The following ARSG variants were observed in gnomAD, a reference collection of about 807,000 sequenced individuals.
ARSG encodes ASG.
In ARSG, 37 loss-of-function variants were observed where a neutral mutation model predicts 50.5. The observed-to-expected ratio is 0.73, with a 90% CI of 0.56 to 0.96. The LOEUF (loss-of-function observed/expected upper bound fraction) is 0.96, where lower values mean the gene tolerates loss of function less well. ARSG is among the 50% of genes least tolerant of loss of function. The pLI is 0.00. For synonymous variants in ARSG, 225 were observed against 254.6 expected, an observed-to-expected ratio of 0.88 and a Z score of 1.11; for missense variants, 629 against 675.3, an observed-to-expected ratio of 0.93 and a Z score of 0.76.
At chr17:68,425,382 C>T (rs951739199), downstream of ARSG, among the ~76,000 whole-genome samples, 8 of 132,290 alleles carry the variant, frequency 6.0e-5, no homozygotes, top group Non-Finnish European at 9.6e-5. Flanking sequence ...TTTTTCTTTT[C>T]TTTTTTTTTT....
intron 1 of ARSG, chr17:68,278,232 G>GAA: frequency 6.2e-7 from 1 of 1,614,158 alleles, no homozygotes; most frequent in Non-Finnish European, 8.5e-7. Context: ...GAAGAAAAAT[G>GAA]AAACAGCTAC....
At chr17:68,376,862 C>CTT (rs10642908) in intron 8 of ARSG, among the ~76,000 whole-genome samples, 3,969 of 142,152 alleles carry the variant, frequency 0.028, 180 homozygotes, top group African/African-American at 0.092. Flanking sequence ...CCTCAGTCAT[C>CTT]TTTTTTTTTT....
intron 11 of ARSG, among the ~76,000 whole-genome samples, chr17:68,402,200 G>T (rs1044308124): frequency 6.6e-6 from 1 of 152,046 alleles, no homozygotes; most frequent in Non-Finnish European, 1.5e-5. Flanking sequence ...TTAGGTACAC[G>T]TCTTATTTCC....
chr17:68,419,017 CAAAAAAAAA>C (rs3072871), intron 11 of ARSG, among the ~76,000 whole-genome samples: 1 of 112,960 alleles, frequency 8.9e-6, no homozygotes, highest in South Asian at 2.8e-4. Flanking sequence ...ATAGCAAAGC[CAAAAAAAAA>C]AAAAAAAAGT....
the ARSG span, chr17:68,434,710 G>T: frequency 7.2e-7 from 1 of 1,392,946 alleles, no homozygotes; most frequent in East Asian, 2.4e-5. Flanking sequence ...TTGTTTTATT[G>T]GTTTTGAACA....
the ARSG span, chr17:68,444,521 G>T: frequency 6.2e-7 from 1 of 1,613,744 alleles, no homozygotes; most frequent in Non-Finnish European, 8.5e-7. Flanking sequence ...TATCCAGGAG[G>T]GTCTTCAACA....
chr17:68,325,987 G>A (rs1167978837), intron 2 of ARSG, among the ~76,000 whole-genome samples: 1 of 152,156 alleles, frequency 6.6e-6, no homozygotes, highest in African/African-American at 2.4e-5. Context: ...ACTATCATTA[G>A]GTCTCACCAG....
At chr17:68,337,050 G>A (rs1225280278) in intron 2 of ARSG, among the ~76,000 whole-genome samples, 1 of 152,064 alleles carries the variant, frequency 6.6e-6, no homozygotes, top group Non-Finnish European at 1.5e-5. Flanking sequence ...GATAGAACTT[G>A]GTGACCACCT....
intron 5 of ARSG, among the ~76,000 whole-genome samples, 153 bp from the exon 6 acceptor site, chr17:68,356,514 A>G (rs1224366128): frequency 6.6e-6 from 1 of 152,224 alleles, no homozygotes; most frequent in African/African-American, 2.4e-5. Context: ...TTATGCATAG[A>G]CTTTTACACT....
At chr17:68,440,783 A>C in the ARSG span, 3 of 152,198 alleles carry the variant, frequency 2.0e-5, no homozygotes, top group African/African-American at 7.2e-5. Flanking sequence ...ATTCTAAATG[A>C]TTCTCATCTT....
At chr17:68,398,155 G>A (rs2081326554) in intron 10 of ARSG, among the ~76,000 whole-genome samples, 1 of 152,118 alleles carries the variant, frequency 6.6e-6, no homozygotes, top group Non-Finnish European at 1.5e-5. Flanking sequence ...GTATGCATAT[G>A]CATGCTTATA....
chr17:68,408,199 G>T (rs1194831545), intron 11 of ARSG, among the ~76,000 whole-genome samples: 4 of 151,604 alleles, frequency 2.6e-5, no homozygotes, highest in Non-Finnish European at 4.4e-5. Context: ...ATGTATACAT[G>T]TGCCATGCTG....
At chr17:68,417,515 A>G (rs576235621) in intron 11 of ARSG, among the ~76,000 whole-genome samples, 32 of 151,944 alleles carry the variant, frequency 2.1e-4, no homozygotes, top group Admixed American at 1.8e-3. Flanking sequence ...GGAGTTTTTC[A>G]TCTCTCAGAC....
intron 10 of ARSG, among the ~76,000 whole-genome samples, chr17:68,400,759 G>C (rs2081436873): frequency 6.6e-6 from 1 of 152,316 alleles, no homozygotes; most frequent in Middle Eastern, 3.4e-3. Context: ...GCATTTTGTT[G>C]TGGACTTTGC....
intron 1 of ARSG, chr17:68,268,908 A>T: frequency 7.2e-7 from 1 of 1,380,596 alleles, no homozygotes; most frequent in Admixed American, 2.7e-5. Flanking sequence ...AAGCAAAAAA[A>T]AAAAGCTTAA....
chr17:68,265,753 GTTT>G (rs56355626), intron 1 of ARSG, among the ~76,000 whole-genome samples: 2 of 134,284 alleles, frequency 1.5e-5, no homozygotes, highest in Non-Finnish European at 1.6e-5. Flanking sequence ...AGTGTGTGTT[GTTT>G]TTTTTTTTTT....
the ARSG span, chr17:68,430,230 C>T: frequency 5.3e-6 from 8 of 1,500,242 alleles, no homozygotes; most frequent in Non-Finnish European, 7.2e-6. Flanking sequence ...AATCTCCACA[C>T]CCAAGCGTCA....
chr17:68,339,814 C>T (rs2078188410), intron 2 of ARSG, among the ~76,000 whole-genome samples: 2 of 152,132 alleles, frequency 1.3e-5, no homozygotes, highest in Non-Finnish European at 2.9e-5. Flanking sequence ...TCAGGGTACC[C>T]GTTGTGCATG....
At chr17:68,404,104 A>ATCATT (rs1367062542) in intron 11 of ARSG, among the ~76,000 whole-genome samples, 1 of 152,092 alleles carries the variant, frequency 6.6e-6, no homozygotes, top group Non-Finnish European at 1.5e-5. Context: ...AATCCAGTCT[A>ATCATT]TCATTGATGG....
Sources: gnomAD v4.1 joint callset for allele counts (sites outside exome capture counted in the v4.1 genomes callset) on GRCh38, gnomAD v4.1.1 for gene constraint, MANE v1.5 for transcripts, NCBI Gene and HGNC (gene_info 2026-07-23, HGNC 2026-07-21) for gene names.